The following EFNA5 variants were observed in gnomAD, a reference collection of about 807,000 sequenced individuals.
EFNA5 encodes the protein ephrin A5, also known as ephrin-A5.
In EFNA5, 5 loss-of-function variants were observed where a neutral mutation model predicts 22.9. The observed-to-expected ratio is 0.22, with a 90% confidence interval of 0.11 to 0.46. The LOEUF (loss-of-function observed/expected upper bound fraction) is 0.46, where lower values mean the gene tolerates loss of function less well. EFNA5 is among the 20% of genes least tolerant of loss of function. The probability of loss-of-function intolerance (pLI) is 0.99; values close to 1 mark genes in which losing one functional copy is unlikely to be tolerated. For synonymous variants in EFNA5, 113 were observed against 112.2 expected (o/e 1.01, Z -0.04); for missense variants, 237 against 293.3 (o/e 0.81, Z 1.40).
intron 1 of EFNA5, among the ~76,000 whole-genome samples, chr5:107,469,131 T>C (rs25998): frequency 0.66 from 100,420 of 152,014 alleles, 35,526 homozygotes; most frequent in African/African-American, 0.91. Context: ...AATTTCAAGA[T>C]GGTAGCAGCA....
intron 1 of EFNA5, among the ~76,000 whole-genome samples, chr5:107,585,975 T>A (rs566860403): frequency 2.0e-5 from 3 of 152,182 alleles, no homozygotes; most frequent in Non-Finnish European, 4.4e-5. Context: ...AAGACTACTA[T>A]GAAAAGCAGA....
At chr5:107,603,035 T>C (rs1261426004) in intron 1 of EFNA5, among the ~76,000 whole-genome samples, 1 of 152,242 alleles carries the variant, frequency 6.6e-6, no homozygotes, top group African/African-American at 2.4e-5. Flanking sequence ...AATGGTGTTC[T>C]TAATGAGGGT....
intron 1 of EFNA5, among the ~76,000 whole-genome samples, chr5:107,566,892 C>T (rs751794946): frequency 6.6e-6 from 1 of 152,168 alleles, no homozygotes; most frequent in Non-Finnish European, 1.5e-5. Flanking sequence ...CTTTGTGATT[C>T]CCTTAATTAA....
chr5:107,438,342 G>C (rs901462198), intron 1 of EFNA5, among the ~76,000 whole-genome samples: 1 of 152,180 alleles, frequency 6.6e-6, no homozygotes, highest in Non-Finnish European at 1.5e-5. Flanking sequence ...CTCTATTTGA[G>C]AGGGTTCATC....
chr5:107,619,086 T>G (rs1749982225), intron 1 of EFNA5, among the ~76,000 whole-genome samples: 1 of 151,894 alleles, frequency 6.6e-6, no homozygotes, highest in South Asian at 2.1e-4. Flanking sequence ...CACGCCTGGC[T>G]AATTTCTTTT....
intron 4 of EFNA5, among the ~76,000 whole-genome samples, chr5:107,385,459 G>A (rs1747589603): frequency 1.3e-5 from 2 of 152,128 alleles, no homozygotes; most frequent in African/African-American, 4.8e-5. Flanking sequence ...ATAATCCTGG[G>A]TAATTTTTGT....
chr5:107,394,949 G>C (rs1002332012), intron 2 of EFNA5, among the ~76,000 whole-genome samples: 3 of 150,464 alleles, frequency 2.0e-5, no homozygotes, highest in African/African-American at 7.3e-5. Flanking sequence ...CATATAGTTT[G>C]ATATCTATTT....
chr5:107,387,297 A>G lies in EFNA5; in HGVS notation c.503T>C (p.Ile168Thr). ...ATCGAAAACACGATCATGAACACCT[A>G]TAGTTTTCATACAGCTATCTATAAC... ...VRPTNSCMKT[I>T]GVHDRVFDVN... The change falls in exon 4 of 5, where the codon ATA (isoleucine) becomes ACA (threonine). Residue 168 changes from isoleucine (I) to threonine (T), a missense_variant. By Grantham distance (89) the Ile-to-Thr change is moderately conservative (BLOSUM62 -1). This residue lies in a region of EFNA5 where 104 missense variants were observed against 114.5 expected (regional missense o/e 0.91). Transcript: ENST00000333274. 1.2e-6 allele frequency: 2 copies of G among 1,602,042 alleles called. No individual in the cohort carries two copies. The highest frequency in any genetic ancestry group is 1.7e-6 in the Non-Finnish European group (2 of 1,172,292).
chr5:107,496,340 AAAAAAAAAAAAAAC>A (rs894346505), intron 1 of EFNA5, among the ~76,000 whole-genome samples: 3 of 148,764 alleles, frequency 2.0e-5, no homozygotes, highest in African/African-American at 5.0e-5. Flanking sequence ...CCATCTCAAA[AAAAAAAAAAAAAAC>A]AAAAAAACAA....
intron 1 of EFNA5, among the ~76,000 whole-genome samples, chr5:107,608,276 T>C (rs561909826): frequency 6.8e-4 from 104 of 152,302 alleles, no homozygotes; most frequent in African/African-American, 2.3e-3. Context: ...GCTCCGCCAT[T>C]CTGTGATTCA....
chr5:107,636,061 G>A lies in EFNA5; in HGVS notation c.125+34428C>T, dbSNP rs1011518936. On this transcript the variant is annotated intron_variant, in intron 1 of 4. Coordinates refer to ENST00000333274, the MANE Select transcript of EFNA5 (RefSeq NM_001962.3). ...AGCTACCACATTAGATATTCTGCAT[G>A]CTATAACTGATGCTGAAATCAGAGT... 6.6e-5 allele frequency among the ~76,000 whole-genome samples: 10 copies of A among 152,256 alleles called. 1 individual carries two copies. Among genetic ancestry groups the A allele is most frequent in the Admixed American group, 3.3e-4 (5 of 15,296 alleles).
chr5:107,653,082 C>T (rs908249783), intron 1 of EFNA5, among the ~76,000 whole-genome samples: 1 of 152,020 alleles, frequency 6.6e-6, no homozygotes, highest in Non-Finnish European at 1.5e-5. Context: ...GGCATCAGAA[C>T]AGGTACCAGG....
intron 1 of EFNA5, among the ~76,000 whole-genome samples, chr5:107,479,459 T>TAAA (rs77898266): frequency 6.2e-5 from 9 of 145,046 alleles, no homozygotes; most frequent in Non-Finnish European, 7.6e-5. Flanking sequence ...AAAACACATT[T>TAAA]AAAAAAAAAA....
chr5:107,445,713 C>A (rs1369756465), intron 1 of EFNA5, among the ~76,000 whole-genome samples: 1 of 152,086 alleles, frequency 6.6e-6, no homozygotes, highest in Admixed American at 6.5e-5. Context: ...AAGATGTCCA[C>A]GAACACTAAT....
chr5:107,448,530 G>A (rs1294228542), intron 1 of EFNA5, among the ~76,000 whole-genome samples: 1 of 151,908 alleles, frequency 6.6e-6, no homozygotes, highest in African/African-American at 2.4e-5. Context: ...AACATCGGAA[G>A]GTTAAAAATA....
At chr5:107,515,120 C>T (rs1343127611) in intron 1 of EFNA5, among the ~76,000 whole-genome samples, 2 of 152,066 alleles carry the variant, frequency 1.3e-5, no homozygotes, top group South Asian at 2.1e-4. Flanking sequence ...CTGTAACCTC[C>T]GCCTTCTGGG....
intron 1 of EFNA5, among the ~76,000 whole-genome samples, chr5:107,487,141 T>C (rs958946167): frequency 6.6e-6 from 1 of 152,174 alleles, no homozygotes; most frequent in Non-Finnish European, 1.5e-5. Flanking sequence ...CCATCCTGTA[T>C]TCCTGCCGTC....
chr5:107,482,469 C>A (rs1309759265), intron 1 of EFNA5, among the ~76,000 whole-genome samples: 1 of 152,082 alleles, frequency 6.6e-6, no homozygotes, highest in East Asian at 1.9e-4. Flanking sequence ...GTCTGTCAGA[C>A]ACATGGCCCC....
At chr5:107,414,218 C>T (rs1057500169) in intron 2 of EFNA5, among the ~76,000 whole-genome samples, 2 of 152,286 alleles carry the variant, frequency 1.3e-5, no homozygotes, top group South Asian at 4.1e-4. Context: ...CCTATCATCT[C>T]CAGACAGATC....
Sources: gnomAD v4.1 joint callset for allele counts (sites outside exome capture counted in the v4.1 genomes callset) on GRCh38, gnomAD v4.1.1 for gene constraint, gnomAD v4.1.1 regional missense constraint, MANE v1.5 for transcripts, NCBI Gene and HGNC (gene_info 2026-07-23, HGNC 2026-07-21) for gene names.